The following SAMD3 variants were observed in gnomAD, a reference collection of about 807,000 sequenced individuals.
The protein encoded by SAMD3 is sterile alpha motif domain-containing protein 3.
A neutral mutation model predicts 58.5 loss-of-function variants in SAMD3; 63 were observed. That is an observed-to-expected ratio of 1.08 (90% CI 0.88 to 1.33). The LOEUF (loss-of-function observed/expected upper bound fraction) is 1.33, where lower values mean the gene tolerates loss of function less well. Among genes scored for constraint, SAMD3 ranks in the 40% most tolerant of loss-of-function variants. The probability of loss-of-function intolerance (pLI) is 0.00; values close to 1 mark genes in which losing one functional copy is unlikely to be tolerated. For missense variants in SAMD3, 604 were observed against 608.4 expected, an observed-to-expected ratio of 0.99 and a Z score of 0.08; for synonymous variants, 220 against 210.3, an observed-to-expected ratio of 1.05 and a Z score of -0.40.
intron 1 of SAMD3, among the ~76,000 whole-genome samples, chr6:130,349,702 C>A (rs1777591626): frequency 6.6e-6 from 1 of 152,196 alleles, no homozygotes; most frequent in South Asian, 2.1e-4. Context: ...AAGAGGGAAT[C>A]CTCCCTAACT....
intron 1 of SAMD3, among the ~76,000 whole-genome samples, chr6:130,350,266 A>G (rs1162986218): frequency 6.6e-6 from 1 of 152,200 alleles, no homozygotes; most frequent in Non-Finnish European, 1.5e-5. Flanking sequence ...CAATTAGGAA[A>G]AGAGAAAGTC....
intron 2 of SAMD3, among the ~76,000 whole-genome samples, chr6:130,228,269 C>G (rs1041719200): frequency 5.3e-5 from 8 of 152,192 alleles, no homozygotes; most frequent in Non-Finnish European, 1.2e-4. Context: ...CGATTGTTCT[C>G]TTTGCTGCAG....
chr6:130,347,065 C>A (rs1777478007), intron 1 of SAMD3, among the ~76,000 whole-genome samples: 1 of 152,098 alleles, frequency 6.6e-6, no homozygotes, highest in Non-Finnish European at 1.5e-5. Flanking sequence ...ACATCCACAC[C>A]AAAACCCCAT....
chr6:130,240,150 A>G (rs558613962), intron 2 of SAMD3, among the ~76,000 whole-genome samples: 1 of 152,328 alleles, frequency 6.6e-6, no homozygotes, highest in South Asian at 2.1e-4. Flanking sequence ...GAAGAAGGAC[A>G]AGATTTCCTG....
upstream of SAMD3, among the ~76,000 whole-genome samples, chr6:130,224,860 C>T (rs908360962): frequency 3.3e-5 from 5 of 151,934 alleles, no homozygotes; most frequent in Non-Finnish European, 7.4e-5. Flanking sequence ...CCTCATGAAC[C>T]GCCTGCCTCG....
chr6:130,325,180 G>T (rs993872442), intron 1 of SAMD3, among the ~76,000 whole-genome samples: 57 of 152,222 alleles, frequency 3.7e-4, no homozygotes, highest in African/African-American at 1.3e-3. Flanking sequence ...CAGAGAAAAA[G>T]AACTTATATA....
chr6:130,325,774 C>G (rs925104911), intron 1 of SAMD3, among the ~76,000 whole-genome samples: 1 of 152,088 alleles, frequency 6.6e-6, no homozygotes, highest in Non-Finnish European at 1.5e-5. Context: ...TGTCATGGTT[C>G]GAGTGTTTTG....
intron 2 of SAMD3, among the ~76,000 whole-genome samples, chr6:130,307,953 A>G (rs1209570702): frequency 2.0e-5 from 3 of 152,226 alleles, no homozygotes; most frequent in African/African-American, 7.2e-5. Context: ...GTGGCCAAAC[A>G]TGAGCCAGAA....
chr6:130,355,867 G>A (rs1235615872), intron 1 of SAMD3, among the ~76,000 whole-genome samples: 5 of 151,036 alleles, frequency 3.3e-5, no homozygotes, highest in African/African-American at 1.2e-4. Context: ...AGTGTAGAGC[G>A]CATGATTTAG....
chr6:130,235,806 G>A (rs1773129413), intron 2 of SAMD3, among the ~76,000 whole-genome samples: 1 of 152,120 alleles, frequency 6.6e-6, no homozygotes. Context: ...AGTATAATGA[G>A]AATAACAAGA....
chr6:130,222,574 G>A (rs1334071182), intron 1 of SAMD3, 120 bp downstream of exon 1: 1 of 152,216 alleles, frequency 6.6e-6, no homozygotes, highest in Non-Finnish European at 1.5e-5. Context: ...TCTCTGTTTG[G>A]AGGAATTAAT....
At chr6:130,365,174 A>G (rs908834470) in exon 1 of SAMD3, 37 of 985,158 alleles carry the variant, frequency 3.8e-5, no homozygotes, top group Non-Finnish European at 4.3e-5. Flanking sequence ...TAGAGACGAC[A>G]TATTTTACTC....
In SAMD3 at chr6:130,246,919, A is replaced by G. The variant is rs141170943; in HGVS notation, c.-187-24106T>C. Among the ~76,000 whole-genome samples, 375 of 152,316 alleles carry G rather than the reference A, an allele frequency of 2.5e-3. 1 individual carries two copies. Among genetic ancestry groups the G allele is most frequent in the African/African-American group, 8.7e-3 (362 of 41,574 alleles). ...AAGGTAAATGTGAGTTGGAAATAAC[A>G]TTATGAACATATGATTTATTTTCAA... is the stretch of plus-strand genomic sequence containing the variant. On this transcript the variant is annotated intron_variant, in intron 2 of 13. Transcript: ENST00000368134.
chr6:130,236,087 T>C (rs898759304), intron 2 of SAMD3, among the ~76,000 whole-genome samples: 3 of 152,250 alleles, frequency 2.0e-5, no homozygotes, highest in African/African-American at 7.2e-5. Flanking sequence ...AGATTAGATA[T>C]ATCTATTACA....
intron 2 of SAMD3, among the ~76,000 whole-genome samples, chr6:130,230,394 T>G (rs1402735308): frequency 4.6e-5 from 7 of 152,138 alleles, no homozygotes; most frequent in Non-Finnish European, 8.8e-5. Context: ...CTTCTTCTTT[T>G]TTTTCTTTTT....
At position 130,360,682 on chromosome 6, in the gene SAMD3, A is replaced by G. The variant is rs141638935; in HGVS notation, c.-304+4438T>C. On this transcript the variant is annotated intron_variant, in intron 1 of 13. Transcript: ENST00000368134. ...ATCTTATCAGGAGACAGGGTTTGAGAGCAACCAGTCTGACCAAAATTTATT... is the reference window on the plus strand; with the variant it reads ...ATCTTATCAGGAGACAGGGTTTGAGGGCAACCAGTCTGACCAAAATTTATT... 3.3e-3 allele frequency among the ~76,000 whole-genome samples: 502 copies of G among 152,292 alleles called. 12 individuals carry two copies. The highest frequency in any genetic ancestry group is 0.015 in the Admixed American group (229 of 15,298).
intron 5 of SAMD3, among the ~76,000 whole-genome samples, chr6:130,202,132 T>C (rs1794700851): frequency 6.6e-6 from 1 of 152,238 alleles, no homozygotes; most frequent in Admixed American, 6.5e-5. Context: ...TTAATAATAC[T>C]GTCCACAGAT....
upstream of SAMD3, chr6:130,365,685 C>A (rs965897061): frequency 3.5e-5 from 34 of 985,348 alleles, no homozygotes; most frequent in African/African-American, 5.6e-4. Flanking sequence ...CGTTTCCGCA[C>A]GCCAGCCTTC....
chr6:130,287,643 G>T (rs905231324), intron 2 of SAMD3, among the ~76,000 whole-genome samples: 3 of 152,058 alleles, frequency 2.0e-5, no homozygotes, highest in African/African-American at 7.2e-5. Context: ...GAAGGATGCT[G>T]CAGCTAAGAG....
Sources: allele counts gnomAD v4.1 joint callset (sites outside exome capture counted in the v4.1 genomes callset), GRCh38; gene constraint gnomAD v4.1.1; transcripts MANE v1.5; gene names NCBI Gene and HGNC (gene_info 2026-07-23, HGNC 2026-07-21).